SKAP2: variants seen among roughly 807,000 people sequenced by gnomAD.
The protein encoded by SKAP2 is src kinase-associated phosphoprotein 2.
A neutral mutation model predicts 54.9 loss-of-function variants in SKAP2; 28 were observed. That is an observed-to-expected ratio of 0.51 (90% CI 0.38 to 0.70). The LOEUF (loss-of-function observed/expected upper bound fraction) is 0.70, where lower values mean the gene tolerates loss of function less well. Among genes scored for constraint, SKAP2 ranks in the 30% least tolerant of loss-of-function variants. The probability of loss-of-function intolerance (pLI) is 0.00; values close to 1 mark genes in which losing one functional copy is unlikely to be tolerated. For missense variants in SKAP2, 356 were observed against 424.1 expected, an observed-to-expected ratio of 0.84 and a Z score of 1.41; for synonymous variants, 137 against 134.3, an observed-to-expected ratio of 1.02 and a Z score of -0.14.
At chr7:26,741,795 T>A (rs7781784) in intron 4 of SKAP2, among the ~76,000 whole-genome samples, 13,114 of 151,696 alleles carry the variant, frequency 0.086, 623 homozygotes, top group Middle Eastern at 0.16. Flanking sequence ...AGTTTATTAT[T>A]TACAAACTCA....
chr7:26,853,745 C>T (rs74863463), intron 3 of SKAP2, among the ~76,000 whole-genome samples: 7,192 of 152,190 alleles, frequency 0.047, 223 homozygotes, highest in Non-Finnish European at 0.078. Context: ...AGGACCTTCT[C>T]CCACCACCAC....
At chr7:26,683,178 A>C (rs1786543473) in intron 11 of SKAP2, among the ~76,000 whole-genome samples, 1 of 152,232 alleles carries the variant, frequency 6.6e-6, no homozygotes, top group African/African-American at 2.4e-5. Context: ...TGAGCTATAT[A>C]AATTTAGGAA....
intron 4 of SKAP2, among the ~76,000 whole-genome samples, chr7:26,778,078 T>G (rs1469091012): frequency 6.6e-6 from 1 of 152,004 alleles, no homozygotes; most frequent in Non-Finnish European, 1.5e-5. Flanking sequence ...TCCTAACCAC[T>G]GAGACCTAAG....
chr7:26,779,520 A>T (rs1478706864), intron 4 of SKAP2, among the ~76,000 whole-genome samples: 1 of 152,084 alleles, frequency 6.6e-6, no homozygotes, highest in Non-Finnish European at 1.5e-5. Flanking sequence ...AATACATTTT[A>T]ATCTTTCCCT....
chr7:26,842,631 GTA>G (rs960927704), intron 4 of SKAP2, among the ~76,000 whole-genome samples: 2 of 151,380 alleles, frequency 1.3e-5, no homozygotes, highest in African/African-American at 4.8e-5. Flanking sequence ...TTCTGTCTGT[GTA>G]TGTGTATACA....
At chr7:26,840,310 G>C (rs575384578) in intron 4 of SKAP2, among the ~76,000 whole-genome samples, 6 of 152,012 alleles carry the variant, frequency 3.9e-5, no homozygotes, top group African/African-American at 9.7e-5. Flanking sequence ...GGGATCCTTC[G>C]ACCTATCGTC....
At chr7:26,861,276 C>A (rs1214037645) in intron 1 of SKAP2, among the ~76,000 whole-genome samples, 1 of 151,768 alleles carries the variant, frequency 6.6e-6, no homozygotes, top group Admixed American at 6.6e-5. Flanking sequence ...TGCTGCTAGT[C>A]CTAGTCAAAA....
intron 9 of SKAP2, among the ~76,000 whole-genome samples, chr7:26,697,720 T>C (rs1000522808): frequency 6.6e-6 from 1 of 152,024 alleles, no homozygotes; most frequent in African/African-American, 2.4e-5. Flanking sequence ...TTGCTGAAAG[T>C]CAGAAAATAG....
chr7:26,826,124 C>T lies in SKAP2; in HGVS notation c.307+17906G>A, dbSNP rs1450634023. ...ACCTAGCCAATTCGTGCAATACACA[C>T]ACACACACACACACACACGCCACAG... On this transcript the variant is annotated intron_variant, in intron 4 of 12. Coordinates refer to ENST00000345317, the MANE Select transcript of SKAP2 (RefSeq NM_003930.5). Among the ~76,000 whole-genome samples the T allele has an allele frequency of 3.3e-5, 5 of 151,784 alleles. No individual in the cohort carries two copies. In the East Asian group the frequency reaches 9.7e-4, roughly 29 times the overall value.
intron 4 of SKAP2, among the ~76,000 whole-genome samples, chr7:26,760,153 C>T (rs189141117): frequency 6.6e-6 from 1 of 152,276 alleles, no homozygotes; most frequent in African/African-American, 2.4e-5. Flanking sequence ...ACATAAATTT[C>T]CTTAACAGAG....
At chr7:26,664,728 GAAAAAAA>G (rs372243207), downstream of SKAP2, among the ~76,000 whole-genome samples, 1 of 111,104 alleles carries the variant, frequency 9.0e-6, no homozygotes, top group South Asian at 3.1e-4. Context: ...AAACTGAAAA[GAAAAAAA>G]AAAAAAAAAA....
intron 9 of SKAP2, among the ~76,000 whole-genome samples, chr7:26,691,113 G>C (rs1296179519): frequency 6.6e-6 from 1 of 152,126 alleles, no homozygotes. Context: ...AACTTCCAAA[G>C]TGTGTCATTC....
At chr7:26,856,399 A>T (rs762980647) in intron 1 of SKAP2, among the ~76,000 whole-genome samples, 1 of 145,066 alleles carries the variant, frequency 6.9e-6, no homozygotes, top group Non-Finnish European at 1.5e-5. Context: ...CTAATGTGTT[A>T]AAAAAAAGTA....
At chr7:26,740,406 T>C (rs944264762) in intron 4 of SKAP2, among the ~76,000 whole-genome samples, 1 of 152,204 alleles carries the variant, frequency 6.6e-6, no homozygotes, top group Non-Finnish European at 1.5e-5. Flanking sequence ...AATCAAATGC[T>C]GAAACTTGTT....
At chr7:26,796,342 T>C (rs1045768992) in intron 4 of SKAP2, among the ~76,000 whole-genome samples, 27 of 68,062 alleles carry the variant, frequency 4.0e-4, no homozygotes, top group African/African-American at 1.4e-3. Flanking sequence ...GTGACACTAA[T>C]TGACACTAAT....
intron 4 of SKAP2, among the ~76,000 whole-genome samples, chr7:26,831,757 G>A (rs150920531): frequency 2.0e-5 from 3 of 152,086 alleles, no homozygotes; most frequent in African/African-American, 7.2e-5. Flanking sequence ...TTTGAACCCA[G>A]GCAGTATGTT....
chr7:26,731,846 T>C (rs1389997403), intron 6 of SKAP2, among the ~76,000 whole-genome samples: 3 of 152,192 alleles, frequency 2.0e-5, no homozygotes, highest in East Asian at 3.8e-4. Context: ...TACACTCCAA[T>C]GCCACCTACC....
rs553199625 is a variant in SKAP2 at position 26,794,239 on chromosome 7, C to T, written c.307+49791G>A. ...ATATATTTCACCTATAATAATTTGTCTCAGTAATCCTAGGGGGAGGAAAAA... is the reference window on the plus strand; with the variant it reads ...ATATATTTCACCTATAATAATTTGTTTCAGTAATCCTAGGGGGAGGAAAAA... On this transcript the variant is annotated intron_variant, in intron 4 of 12. Coordinates refer to ENST00000345317, the MANE Select transcript of SKAP2 (RefSeq NM_003930.5). Among the ~76,000 whole-genome samples the T allele has an allele frequency of 1.5e-4, 23 of 152,210 alleles. No individual in the cohort carries two copies. The Middle Eastern group carries it at 0.01, about 68-fold the overall frequency.
At chr7:26,700,609 GA>G (rs1364460576) in intron 9 of SKAP2, among the ~76,000 whole-genome samples, 1 of 152,122 alleles carries the variant, frequency 6.6e-6, no homozygotes, top group Non-Finnish European at 1.5e-5. Context: ...GCTAATGCAG[GA>G]ATACAAAGAC....
Sources: gnomAD v4.1 joint callset for allele counts (sites outside exome capture counted in the v4.1 genomes callset) on GRCh38, gnomAD v4.1.1 for gene constraint, MANE v1.5 for transcripts, NCBI Gene and HGNC (gene_info 2026-07-23, HGNC 2026-07-21) for gene names.